The following BCKDHB variants were observed in gnomAD, a reference collection of about 807,000 sequenced individuals.
The protein encoded by BCKDHB is 2-oxoisovalerate dehydrogenase subunit beta, mitochondrial.
A neutral mutation model predicts 48.5 loss-of-function variants in BCKDHB; 41 were observed. The observed-to-expected ratio is 0.85, with a 90% CI of 0.66 to 1.10. The LOEUF is 1.10. Among genes scored for constraint, BCKDHB ranks in the 50% least tolerant of loss-of-function variants. The pLI, the probability that BCKDHB is intolerant of heterozygous loss-of-function variation, is 0.00. For synonymous variants in BCKDHB, 201 were observed against 174.8 expected, an observed-to-expected ratio of 1.15 and a Z score of -1.18; for missense variants, 496 against 494.2, an observed-to-expected ratio of 1.00 and a Z score of -0.03.
chr6:80,281,058 A>G (rs1055136981), intron 9 of BCKDHB, among the ~76,000 whole-genome samples: 4 of 151,380 alleles, frequency 2.6e-5, no homozygotes, highest in African/African-American at 9.7e-5. Flanking sequence ...GTATAAGGTA[A>G]TGAGTACATT....
At chr6:80,431,564 C>T in the BCKDHB span, among the ~76,000 whole-genome samples, 1 of 152,194 alleles carries the variant, frequency 6.6e-6, no homozygotes, top group African/African-American at 2.4e-5. Flanking sequence ...GCTCCCTTTA[C>T]CATTATGTAA....
chr6:80,167,122 T>C lies in BCKDHB; in HGVS notation c.344-556T>C, dbSNP rs547386421. ...TCTTGTGAATTGAACCCTTTAACAG[T>C]ATGCGTTTTCCCTCTTTATCTCTGG... On this transcript the variant is annotated intron_variant, in intron 3 of 9. Transcript: ENST00000320393. Among the ~76,000 whole-genome samples the C allele has an allele frequency of 2.2e-4, 34 of 152,312 alleles. 2 individuals are homozygous for C. The South Asian group carries it at 6.6e-3, about 30-fold the overall frequency.
At chr6:80,266,391 G>A (rs1383433131) in intron 8 of BCKDHB, among the ~76,000 whole-genome samples, 1 of 152,066 alleles carries the variant, frequency 6.6e-6, no homozygotes, top group Non-Finnish European at 1.5e-5. Flanking sequence ...TGATGTTTAA[G>A]CTGACAGGGA....
chr6:80,361,576 C>G, the BCKDHB span, among the ~76,000 whole-genome samples: 4 of 152,088 alleles, frequency 2.6e-5, no homozygotes, highest in Non-Finnish European at 5.9e-5. Context: ...ATGGTGAGTC[C>G]TTTTTAGACT....
the BCKDHB span, among the ~76,000 whole-genome samples, chr6:80,390,800 T>C: frequency 6.6e-6 from 1 of 152,154 alleles, no homozygotes; most frequent in African/African-American, 2.4e-5. Flanking sequence ...GTGATTGGAT[T>C]AAAGGATACA....
At chr6:80,228,215 T>C (rs1775761723) in intron 8 of BCKDHB, among the ~76,000 whole-genome samples, 1 of 152,216 alleles carries the variant, frequency 6.6e-6, no homozygotes, top group Non-Finnish European at 1.5e-5. Flanking sequence ...GGTGAGAATA[T>C]ATGATGGTTC....
intron 9 of BCKDHB, among the ~76,000 whole-genome samples, chr6:80,318,365 C>T (rs569663387): frequency 2.2e-4 from 34 of 152,154 alleles, no homozygotes; most frequent in African/African-American, 6.0e-4. Flanking sequence ...CTGTGTTCTT[C>T]ATCTGTGGGT....
intron 3 of BCKDHB, among the ~76,000 whole-genome samples, chr6:80,152,601 A>G (rs1771843040): frequency 1.3e-5 from 2 of 152,160 alleles, no homozygotes. Context: ...AAGTACAGAC[A>G]TTTTATCTCA....
chr6:80,281,365 C>T (rs144875487), intron 9 of BCKDHB, among the ~76,000 whole-genome samples: 1 of 152,260 alleles, frequency 6.6e-6, no homozygotes, highest in East Asian at 1.9e-4. Flanking sequence ...AGAGCCATTA[C>T]ATGAGACAAG....
chr6:80,228,507 C>T (rs149808185), intron 8 of BCKDHB, among the ~76,000 whole-genome samples: 1 of 152,148 alleles, frequency 6.6e-6, no homozygotes, highest in Non-Finnish European at 1.5e-5. Flanking sequence ...CAATCTAAAT[C>T]ACCTTTATTT....
intron 9 of BCKDHB, among the ~76,000 whole-genome samples, chr6:80,290,409 C>T (rs1479622959): frequency 1.3e-5 from 2 of 152,218 alleles, no homozygotes; most frequent in Non-Finnish European, 2.9e-5. Flanking sequence ...GAAGGAGGCT[C>T]CCCCAAGGCC....
At chr6:80,306,733 C>G (rs886942919) in intron 9 of BCKDHB, among the ~76,000 whole-genome samples, 3 of 152,146 alleles carry the variant, frequency 2.0e-5, no homozygotes, top group Admixed American at 6.5e-5. Flanking sequence ...GGAGATATAT[C>G]TTTTCATTTT....
chr6:80,129,560 C>T (rs1770523119), intron 3 of BCKDHB, among the ~76,000 whole-genome samples: 1 of 152,048 alleles, frequency 6.6e-6, no homozygotes, highest in African/African-American at 2.4e-5. Flanking sequence ...CCATTGCCTC[C>T]AGTTGGAGAT....
chr6:80,134,255 G>A (rs1770774874), intron 3 of BCKDHB, among the ~76,000 whole-genome samples: 1 of 152,152 alleles, frequency 6.6e-6, no homozygotes, highest in Non-Finnish European at 1.5e-5. Flanking sequence ...CTTTTCATGG[G>A]ACTTGATGTT....
At chr6:80,340,457 A>C (rs375620851) in intron 9 of BCKDHB, among the ~76,000 whole-genome samples, 3 of 152,318 alleles carry the variant, frequency 2.0e-5, no homozygotes, top group Admixed American at 6.5e-5. Flanking sequence ...TTACATACAC[A>C]GCTCTGTGGG....
intron 1 of BCKDHB, among the ~76,000 whole-genome samples, chr6:80,122,626 G>T (rs1161731286): frequency 6.6e-6 from 1 of 152,152 alleles, no homozygotes; most frequent in Non-Finnish European, 1.5e-5. Flanking sequence ...CAAAATTGGA[G>T]GGGGTTTAAA....
chr6:80,133,063 A>T (rs1770711784), intron 3 of BCKDHB, among the ~76,000 whole-genome samples: 1 of 152,092 alleles, frequency 6.6e-6, no homozygotes, highest in Non-Finnish European at 1.5e-5. Flanking sequence ...AGCAAAGAAA[A>T]CCCTTGTGCC....
intron 9 of BCKDHB, among the ~76,000 whole-genome samples, chr6:80,289,674 C>T (rs188051394): frequency 5.4e-4 from 82 of 152,200 alleles, no homozygotes; most frequent in East Asian, 1.6e-3. Flanking sequence ...TCACTCTCAC[C>T]GCCAGCCTCT....
the BCKDHB span, among the ~76,000 whole-genome samples, chr6:80,395,346 T>C: frequency 6.6e-6 from 1 of 152,154 alleles, no homozygotes; most frequent in Non-Finnish European, 1.5e-5. Context: ...TTGAATGGCT[T>C]TGACTGAAAT....
Sources: gnomAD v4.1 joint callset for allele counts (sites outside exome capture counted in the v4.1 genomes callset) on GRCh38, gnomAD v4.1.1 for gene constraint, MANE v1.5 for transcripts, NCBI Gene and HGNC (gene_info 2026-07-23, HGNC 2026-07-21) for gene names.